CAST: variants seen among roughly 807,000 people sequenced by gnomAD.
The protein encoded by CAST is MIR583 host.
A neutral mutation model predicts 119.6 loss-of-function variants in CAST; 76 were observed. The ratio of observed to expected loss-of-function variants is 0.64; its 90% CI spans 0.53 to 0.77. The LOEUF is 0.77. Among genes scored for constraint, CAST ranks in the 30% least tolerant of loss-of-function variants. The probability of loss-of-function intolerance (pLI) is 0.00; values close to 1 mark genes in which losing one functional copy is unlikely to be tolerated. For missense variants in CAST, 953 were observed against 946.5 expected (o/e 1.01, Z -0.09); for synonymous variants, 319 against 331.6 (o/e 0.96, Z 0.41).
chr5:96,618,855 C>G (rs1051861393), intron 1 of CAST, among the ~76,000 whole-genome samples: 12 of 152,228 alleles, frequency 7.9e-5, no homozygotes, highest in Non-Finnish European at 1.6e-4. Context: ...CTGCTCTGAG[C>G]GCAGGACTGG....
the CAST span, among the ~76,000 whole-genome samples, chr5:96,461,760 C>A: frequency 1.9e-4 from 29 of 152,184 alleles, 1 homozygote; most frequent in Admixed American, 1.8e-3. Flanking sequence ...CAGTGAATAT[C>A]ACAGGTCATG....
the CAST span, among the ~76,000 whole-genome samples, chr5:96,381,503 C>A: frequency 6.6e-6 from 1 of 152,136 alleles, no homozygotes; most frequent in Non-Finnish European, 1.5e-5. Context: ...GTAATGTATT[C>A]AGCAATAGAT....
chr5:96,112,585 G>A, the CAST span, among the ~76,000 whole-genome samples: 4 of 152,278 alleles, frequency 2.6e-5, no homozygotes, highest in East Asian at 5.8e-4. Flanking sequence ...AAGTCATGAA[G>A]AGGGAAGCAG....
the CAST span, among the ~76,000 whole-genome samples, chr5:96,082,840 A>G: frequency 3.3e-5 from 5 of 152,210 alleles, no homozygotes; most frequent in Admixed American, 2.6e-4. Context: ...AAAATCAGAA[A>G]AAGGCAAGAA....
the CAST span, among the ~76,000 whole-genome samples, chr5:96,123,882 AT>A: frequency 3.7e-3 from 557 of 151,912 alleles, 2 homozygotes; most frequent in African/African-American, 4.5e-3. Context: ...AATTGCTTAG[AT>A]TTTTTTTCCC....
At chr5:96,509,263 C>T in the CAST span, among the ~76,000 whole-genome samples, 6 of 152,278 alleles carry the variant, frequency 3.9e-5, no homozygotes, top group Admixed American at 1.3e-4. Context: ...TCTTTGCAAC[C>T]GGTGAAGTGA....
chr5:95,977,766 C>T, the CAST span, among the ~76,000 whole-genome samples: 5 of 151,792 alleles, frequency 3.3e-5, no homozygotes, highest in Admixed American at 6.6e-5. Flanking sequence ...AAGCCTAGTT[C>T]TCATTATCTG....
At chr5:96,751,649 T>C (rs1482850894) in intron 20 of CAST, among the ~76,000 whole-genome samples, 2 of 152,146 alleles carry the variant, frequency 1.3e-5, no homozygotes, top group East Asian at 3.8e-4. Flanking sequence ...GGAGGGACTC[T>C]AGGAGGACTC....
the CAST span, among the ~76,000 whole-genome samples, chr5:96,135,549 C>T: frequency 1.3e-5 from 2 of 152,102 alleles, no homozygotes; most frequent in Non-Finnish European, 2.9e-5. Flanking sequence ...ATTAACCAAA[C>T]ATTAGCTGGA....
intron 1 of CAST, among the ~76,000 whole-genome samples, chr5:96,617,553 G>T (rs1382445974): frequency 2.0e-5 from 3 of 151,866 alleles, no homozygotes; most frequent in Non-Finnish European, 2.9e-5. Context: ...ACTTTGGGAG[G>T]CCAAGGCGGG....
At chr5:96,537,539 TGTGAGCAACACAG>T (rs1187896889) in intron 1 of CAST, among the ~76,000 whole-genome samples, 1 of 146,450 alleles carries the variant, frequency 6.8e-6, no homozygotes, top group East Asian at 2.1e-4. Context: ...ACTATACTTC[TGTGAGCAACACAG>T]GAAGAGAAAA....
the CAST span, among the ~76,000 whole-genome samples, chr5:96,511,923 G>A: frequency 3.9e-5 from 6 of 152,132 alleles, no homozygotes; most frequent in South Asian, 2.1e-4. Flanking sequence ...TTTCCTCCTG[G>A]CCCGGTTACC....
the CAST span, among the ~76,000 whole-genome samples, chr5:95,992,966 T>C: frequency 6.6e-6 from 1 of 152,182 alleles, no homozygotes; most frequent in African/African-American, 2.4e-5. Flanking sequence ...ATCAGTGTAG[T>C]GTGGGAAGTA....
At chr5:96,004,046 A>G in the CAST span, among the ~76,000 whole-genome samples, 13 of 152,354 alleles carry the variant, frequency 8.5e-5, 1 homozygote, top group African/African-American at 3.1e-4. Flanking sequence ...TAAATATAGC[A>G]CATTAGAATT....
At chr5:96,107,207 C>G in the CAST span, among the ~76,000 whole-genome samples, 1 of 152,078 alleles carries the variant, frequency 6.6e-6, no homozygotes, top group Non-Finnish European at 1.5e-5. Flanking sequence ...TTAATTGGAG[C>G]ATTTTGTCCA....
chr5:96,301,420 C>T, the CAST span, among the ~76,000 whole-genome samples: 1 of 152,096 alleles, frequency 6.6e-6, no homozygotes, highest in Non-Finnish European at 1.5e-5. Flanking sequence ...CATTTCCAAG[C>T]CTAATTATGC....
chr5:96,371,112 A>T, the CAST span, among the ~76,000 whole-genome samples: 1 of 152,224 alleles, frequency 6.6e-6, no homozygotes, highest in South Asian at 2.1e-4. Flanking sequence ...CTGGACCAGC[A>T]TTTGTTAGTT....
intron 5 of CAST, 61 bp downstream of exon 5, chr5:96,726,920 C>A: frequency 1.7e-6 from 2 of 1,162,442 alleles, no homozygotes; most frequent in South Asian, 1.3e-5. Flanking sequence ...ACCCGCTCAG[C>A]ATGTGCTAAT....
intron 1 of CAST, among the ~76,000 whole-genome samples, chr5:96,595,793 A>G (rs1197377915): frequency 6.6e-6 from 1 of 152,256 alleles, no homozygotes; most frequent in Non-Finnish European, 1.5e-5. Flanking sequence ...AGACAAATAT[A>G]TATGAAACAA....
Sources: gnomAD v4.1 joint callset for allele counts (sites outside exome capture counted in the v4.1 genomes callset) on GRCh38, gnomAD v4.1.1 for gene constraint, MANE v1.5 for transcripts, NCBI Gene and HGNC (gene_info 2026-07-23, HGNC 2026-07-21) for gene names.